The following ENOSF1 variants were observed in gnomAD, a reference collection of about 807,000 sequenced individuals.
ENOSF1 encodes mitochondrial enolase superfamily member 1.
ENOSF1 carries 73 observed loss-of-function variants against 68.2 expected under a neutral mutation model. That is an observed-to-expected ratio of 1.07 (90% CI 0.89 to 1.30). ENOSF1 has a LOEUF of 1.30. Ranked by LOEUF, ENOSF1 falls within the 50% of genes most tolerant of loss-of-function variation. The probability of loss-of-function intolerance (pLI) is 0.00; values close to 1 mark genes in which losing one functional copy is unlikely to be tolerated. For missense variants in ENOSF1, 589 were observed against 554.5 expected (o/e 1.06, Z -0.62); for synonymous variants, 223 against 210.4 (o/e 1.06, Z -0.52).
Position 672,894 on chromosome 18 carries a change from G to C in ENOSF1, c.*1411C>G. On this transcript the variant is annotated 3_prime_UTR_variant, in exon 16 of 16. Coordinates refer to ENST00000647584, the MANE Select transcript of ENOSF1 (RefSeq NM_017512.7). The stretch of plus-strand genomic sequence containing the variant: ...GAACCCAGACCTTTCCCAAAGCTCA[G>C]GATTCTTCGAAAAGTTGAGAAAATT... 6.3e-7 allele frequency: 1 copy of C among 1,596,010 alleles called. No homozygotes were observed. The highest frequency in any genetic ancestry group is 8.6e-7 in the Non-Finnish European group (1 of 1,165,918).
chr18:694,679 G>A (rs2077538816), intron 3 of ENOSF1, among the ~76,000 whole-genome samples: 1 of 151,286 alleles, frequency 6.6e-6, no homozygotes, highest in Non-Finnish European at 1.5e-5. Context: ...TTCCGTCCAG[G>A]GACACATCTC....
intron 5 of ENOSF1, chr18:693,175 CCTG>C (rs1407923934): frequency 1.6e-6 from 2 of 1,289,016 alleles, no homozygotes; most frequent in Non-Finnish European, 2.0e-6. Flanking sequence ...GTTGTTCACC[CCTG>C]CTATGAAAAG....
At chr18:700,990 A>G (rs2078287402) in intron 2 of ENOSF1, among the ~76,000 whole-genome samples, 1 of 151,622 alleles carries the variant, frequency 6.6e-6, no homozygotes, top group African/African-American at 2.4e-5. Context: ...CTTCTTGGCA[A>G]CTAAACCCGG....
Position 694,253 on chromosome 18 carries a change from C to G in ENOSF1, c.391G>C (p.Gly131Arg), listed in dbSNP as rs768965801. ...AVWDLWAKQE[G>R]KPVWKLLVDM... ...GCGTTTGTGAGAGGGGTTACCTTTC[C>G]CTCCTGCTTGGCCCACAAGTCCCAC... Residue 131 changes from glycine to arginine, a missense_variant, in exon 4 of 16, where the codon GGA (glycine) becomes CGA (arginine). By Grantham distance (125) the Gly-to-Arg change is moderately radical. Transcript: ENST00000647584. 1 of 1,614,008 alleles carries G rather than the reference C, an allele frequency of 6.2e-7. No homozygotes were observed. Among genetic ancestry groups the G allele is most frequent in the African/African-American group, 1.3e-5 (1 of 74,936 alleles).
Position 685,933 on chromosome 18 carries a change from C to T in ENOSF1, c.729G>A (p.Pro243=), listed in dbSNP as rs755880041. The T allele has an allele frequency of 1.4e-5, 23 of 1,613,448 alleles. 1 individual carries two copies. The highest frequency in any genetic ancestry group is 7.7e-5 in the South Asian group (7 of 91,078). ...AGAGGATATTTACCAAAGTCTTTTC[C>T]GGTCCAATCATGTCTCGGATGATTT... The part of the protein sequence containing the change: ...RCQIIRDMIG[P]EKTLMMDANQ... The change falls in exon 10 of 16, where the codon CCG becomes CCA. Residue 243 remains proline (P), a synonymous_variant. Coordinates refer to ENST00000647584, the MANE Select transcript of ENOSF1 (RefSeq NM_017512.7).
At chr18:681,252 G>A (rs779042956) in intron 11 of ENOSF1, among the ~76,000 whole-genome samples, 13 of 152,206 alleles carry the variant, frequency 8.5e-5, no homozygotes, top group Non-Finnish European at 1.5e-4. Flanking sequence ...CCAGCCCCAC[G>A]TGGCAGCCTG....
chr18:664,086 G>C, the ENOSF1 span, among the ~76,000 whole-genome samples: 4 of 146,610 alleles, frequency 2.7e-5, no homozygotes, highest in South Asian at 2.2e-4. Context: ...GGATGGCATT[G>C]AATCTATAAA....
chr18:667,376 T>A (rs868410823), downstream of ENOSF1, among the ~76,000 whole-genome samples: 27 of 18,526 alleles, frequency 1.5e-3, no homozygotes, highest in African/African-American at 5.7e-3. Context: ...ATGGTGATGG[T>A]GATGGTGATG....
At chr18:686,294 C>A in intron 9 of ENOSF1, 31 of 342,808 alleles carry the variant, frequency 9.0e-5, no homozygotes, top group East Asian at 1.1e-4. Flanking sequence ...TTTGCCGGGC[C>A]ATGAAAAGGA....
At chr18:690,953 C>T in intron 7 of ENOSF1, 115 bp downstream of exon 7, 2 of 1,276,982 alleles carry the variant, frequency 1.6e-6, no homozygotes, top group South Asian at 1.3e-5. Context: ...GATTTGAGGG[C>T]CTAGCTGCTC....
chr18:711,242 T>TA (rs2079503028), intron 1 of ENOSF1, among the ~76,000 whole-genome samples: 1 of 152,222 alleles, frequency 6.6e-6, no homozygotes, highest in African/African-American at 2.4e-5. Flanking sequence ...AGGATGAACT[T>TA]AATCTCAAAA....
At chr18:704,352 C>T (rs529596939) in intron 2 of ENOSF1, among the ~76,000 whole-genome samples, 33 of 146,944 alleles carry the variant, frequency 2.2e-4, no homozygotes, top group African/African-American at 8.3e-4. Flanking sequence ...TTGCTTGAAC[C>T]CGGGAGGTGG....
chr18:696,774 G>A (rs1328118928), intron 3 of ENOSF1, among the ~76,000 whole-genome samples: 1 of 152,060 alleles, frequency 6.6e-6, no homozygotes, highest in Non-Finnish European at 1.5e-5. Context: ...TGATCTAAAT[G>A]ACTCAAGCCT....
rs2075234168 is a variant in ENOSF1, at chr18:674,204, C to T, written c.*101G>A. On this transcript the variant is annotated 3_prime_UTR_variant, in exon 16 of 16. Coordinates refer to ENST00000647584, the MANE Select transcript of ENOSF1 (RefSeq NM_017512.7). ...TGGTATGACTTCTAGCTGAACTCAT[C>T]TTGATCGGTAGGATTTTTTAAATCC... 2.5e-6 allele frequency: 2 copies of T among 805,328 alleles called. No individual in the cohort carries two copies. The highest frequency in any genetic ancestry group is 5.0e-5 in the East Asian group (2 of 39,708). 49.9% of individuals were successfully genotyped at this position (805,328 alleles called of 1,614,324 possible).
At chr18:678,959 G>A (rs2075794343) in intron 11 of ENOSF1, among the ~76,000 whole-genome samples, 1 of 152,148 alleles carries the variant, frequency 6.6e-6, no homozygotes, top group Non-Finnish European at 1.5e-5. Flanking sequence ...CACCAGCCCC[G>A]TTCCTGACCA....
At position 670,862 on chromosome 18, in the gene ENOSF1, C is replaced by T; in HGVS notation, c.*3443G>A. On this transcript the variant is annotated 3_prime_UTR_variant, in exon 16 of 16. Coordinates refer to ENST00000647584, the MANE Select transcript of ENOSF1 (RefSeq NM_017512.7). ...GTACATGATTGCGCACATCACGGGC[C>T]TGAAGGTGGGCTGTCTCGGGAAGGG... 6.2e-7 allele frequency: 1 copy of T among 1,614,030 alleles called. No individual in the cohort carries two copies. The highest frequency in any genetic ancestry group is 8.5e-7 in the Non-Finnish European group (1 of 1,179,964).
At chr18:675,229 C>G in intron 15 of ENOSF1, 92 bp downstream of exon 15, 2 of 979,262 alleles carry the variant, frequency 2.0e-6, no homozygotes, top group Non-Finnish European at 1.6e-6. Flanking sequence ...AAACAGGAGT[C>G]AAAGCTTGGT....
At chr18:712,250 C>A in intron 1 of ENOSF1, 1 of 1,519,466 alleles carries the variant, frequency 6.6e-7, no homozygotes, top group Admixed American at 2.0e-5. Flanking sequence ...CTCCCCCAGG[C>A]GCGCCTCCCA....
rs779518762 is a variant in ENOSF1 at position 691,253 on chromosome 18, G to A, written c.447C>T (p.Cys149=). 2.5e-6 allele frequency: 4 copies of A among 1,614,122 alleles called. No individual in the cohort carries two copies. The highest frequency in any genetic ancestry group is 2.2e-5 in the East Asian group (1 of 44,870). The change falls in exon 6 of 16, where the codon TGC becomes TGT. Residue 149 remains cysteine, a synonymous_variant. Transcript: ENST00000647584. ...CATCAGTGATGTACCTGAAATCTAT[G>A]CAGGATACCAGCATCCTGGGATCCT... ...VDMDPRMLVS[C]IDFRYITDVL... is the part of the protein sequence containing the mutation.
Sources: allele counts gnomAD v4.1 joint callset (sites outside exome capture counted in the v4.1 genomes callset), GRCh38; gene constraint gnomAD v4.1.1; transcripts MANE v1.5; gene names NCBI Gene and HGNC (gene_info 2026-07-23, HGNC 2026-07-21).